Variants in SASH1 observed in about 807,000 individuals in gnomAD.
SASH1 encodes the protein SAM and SH3 domain containing 1.
A neutral mutation model predicts 125.2 loss-of-function variants in SASH1; 44 were observed. The observed-to-expected ratio is 0.35, with a 90% CI of 0.28 to 0.45. SASH1 has a LOEUF of 0.45. Ranked by LOEUF, SASH1 falls within the 20% of genes least tolerant of loss-of-function variation. The pLI, the probability that SASH1 is intolerant of heterozygous loss-of-function variation, is 1.00. For synonymous variants in SASH1, 639 were observed against 649.1 expected (o/e 0.98, Z 0.24); for missense variants, 1,426 against 1,614.5 (o/e 0.88, Z 2.00).
chr6:148,312,692 A>G (rs1160969051), intron 1 of SASH1, among the ~76,000 whole-genome samples: 1 of 152,212 alleles, frequency 6.6e-6, no homozygotes, highest in Non-Finnish European at 1.5e-5. Flanking sequence ...TGAGAATTAA[A>G]CTACCTAATG....
the SASH1 span, among the ~76,000 whole-genome samples, chr6:148,208,554 CATT>C: frequency 5.9e-5 from 9 of 152,186 alleles, no homozygotes; most frequent in Non-Finnish European, 1.3e-4. Flanking sequence ...CAGCTGACAT[CATT>C]ATTATTGATA....
At chr6:148,326,337 T>TATATATATATATATATATATATATATGC (rs1562326113) in intron 1 of SASH1, among the ~76,000 whole-genome samples, 1 of 77,320 alleles carries the variant, frequency 1.3e-5, no homozygotes, top group African/African-American at 5.3e-5. Context: ...TATATATATA[T>TATATATATATATATATATATATATATGC]ATATATATAT....
At chr6:148,268,563 A>G (rs975550774), upstream of SASH1, among the ~76,000 whole-genome samples, 11 of 152,244 alleles carry the variant, frequency 7.2e-5, no homozygotes, top group African/African-American at 9.6e-5. Flanking sequence ...AACTGACAGA[A>G]TGGTTGGTCT....
intron 2 of SASH1, among the ~76,000 whole-genome samples, chr6:148,438,120 T>C (rs770965336): frequency 1.3e-5 from 2 of 152,138 alleles, no homozygotes; most frequent in Admixed American, 6.5e-5. Flanking sequence ...TGGGCTGCAA[T>C]TGGGTGTTAA....
chr6:148,461,551 G>T (rs1409399196), intron 4 of SASH1, among the ~76,000 whole-genome samples: 1 of 152,100 alleles, frequency 6.6e-6, no homozygotes, highest in Non-Finnish European at 1.5e-5. Context: ...GGAATTTAAG[G>T]AGGCAACTCA....
rs918079619 is a variant in SASH1 at position 148,363,227 on chromosome 6, G to A, written c.156+20004G>A. 6.6e-5 allele frequency among the ~76,000 whole-genome samples: 10 copies of A among 152,256 alleles called. No individual in the cohort carries two copies. In the South Asian group the frequency reaches 8.3e-4, roughly 13 times the overall value. ...CCTCAATCCTTTGAATGCAACATCAGATGAATCACGGTGTTCTGGAGGACG... is the reference window on the plus strand; with the variant it reads ...CCTCAATCCTTTGAATGCAACATCAAATGAATCACGGTGTTCTGGAGGACG... On this transcript the variant is annotated intron_variant, in intron 1 of 19. Coordinates refer to ENST00000367467, the MANE Select transcript of SASH1 (RefSeq NM_015278.5).
the SASH1 span, among the ~76,000 whole-genome samples, chr6:148,233,747 A>AAAAAAAAG: frequency 1.8e-5 from 2 of 108,298 alleles, no homozygotes; most frequent in African/African-American, 5.9e-5. Flanking sequence ...CTCTACAAAA[A>AAAAAAAAG]AAAAAAAAAA....
At chr6:148,199,622 C>T in the SASH1 span, among the ~76,000 whole-genome samples, 7 of 151,198 alleles carry the variant, frequency 4.6e-5, no homozygotes, top group East Asian at 2.0e-4. Context: ...TGCTTCAGTC[C>T]GGGAGTTAGA....
rs568108415 is a variant in SASH1 at position 148,362,605 on chromosome 6, C to T, written c.156+19382C>T. On this transcript the variant is annotated intron_variant, in intron 1 of 19. Coordinates refer to ENST00000367467, the MANE Select transcript of SASH1 (RefSeq NM_015278.5). ...GTGAGGGTGTGGTCGTATGAGGAAA[C>T]GGAGGCTTAGGAATGCTTTCCATCT... 7.3e-5 allele frequency among the ~76,000 whole-genome samples: 11 copies of T among 150,426 alleles called. 1 individual carries two copies. The South Asian group carries it at 1.3e-3, about 17-fold the overall frequency.
At chr6:148,340,390 G>A (rs184255077), upstream of SASH1, among the ~76,000 whole-genome samples, 36 of 151,972 alleles carry the variant, frequency 2.4e-4, no homozygotes, top group Non-Finnish European at 4.6e-4. Context: ...GGCTGATGCA[G>A]GAGAATCGCT....
the SASH1 span, among the ~76,000 whole-genome samples, chr6:148,214,626 C>G: frequency 2.0e-5 from 3 of 152,158 alleles, no homozygotes; most frequent in Non-Finnish European, 4.4e-5. Context: ...TATTCTCCCA[C>G]CAGATCCCTC....
At chr6:148,375,471 A>T (rs375961999) in intron 1 of SASH1, among the ~76,000 whole-genome samples, 22 of 152,266 alleles carry the variant, frequency 1.4e-4, no homozygotes, top group African/African-American at 5.1e-4. Context: ...ATTAACTTCC[A>T]AGATGTTTTA....
intron 8 of SASH1, among the ~76,000 whole-genome samples, chr6:148,496,099 C>T (rs963178525): frequency 8.6e-5 from 13 of 151,936 alleles, no homozygotes; most frequent in Middle Eastern, 3.2e-3. Context: ...CCGCCTGCCT[C>T]GGCCTCCCAA....
At chr6:148,459,706 G>T (rs1777529400) in intron 4 of SASH1, among the ~76,000 whole-genome samples, 1 of 150,904 alleles carries the variant, frequency 6.6e-6, no homozygotes, top group Non-Finnish European at 1.5e-5. Context: ...GAAAAAAAAG[G>T]CCGCTAATAA....
chr6:148,215,271 A>G, the SASH1 span, among the ~76,000 whole-genome samples: 84 of 152,318 alleles, frequency 5.5e-4, no homozygotes, highest in African/African-American at 2.0e-3. Context: ...AAGCATCTGG[A>G]AAAAAACAAC....
the SASH1 span, among the ~76,000 whole-genome samples, chr6:148,252,480 T>C: frequency 1.3e-5 from 2 of 148,864 alleles, no homozygotes; most frequent in Admixed American, 6.7e-5. Context: ...TTGTGGTTTT[T>C]TTTCTTTTTT....
intron 17 of SASH1, among the ~76,000 whole-genome samples, chr6:148,542,553 A>AT (rs1240185928): frequency 2.0e-5 from 3 of 152,028 alleles, no homozygotes; most frequent in Non-Finnish European, 4.4e-5. Context: ...TGCCCGGCTA[A>AT]TTTTTTATAT....
intron 8 of SASH1, among the ~76,000 whole-genome samples, chr6:148,491,281 T>C (rs1779095404): frequency 6.6e-6 from 1 of 152,148 alleles, no homozygotes; most frequent in African/African-American, 2.4e-5. Context: ...TTTTTGTTGT[T>C]GTTGTTGAGA....
chr6:148,206,507 AG>A, the SASH1 span, among the ~76,000 whole-genome samples: 6,250 of 152,226 alleles, frequency 0.041, 170 homozygotes, highest in Non-Finnish European at 0.057. Context: ...ACAAATTAAC[AG>A]GCCAGGTGCA....
Sources: gnomAD v4.1 joint callset for allele counts (sites outside exome capture counted in the v4.1 genomes callset) on GRCh38, gnomAD v4.1.1 for gene constraint, MANE v1.5 for transcripts, NCBI Gene and HGNC (gene_info 2026-07-23, HGNC 2026-07-21) for gene names.